The following KLB variants were observed in gnomAD, a reference collection of about 807,000 sequenced individuals.
KLB encodes the protein klotho beta.
A neutral mutation model predicts 88.4 loss-of-function variants in KLB; 44 were observed. The ratio of observed to expected loss-of-function variants is 0.50; its 90% confidence interval spans 0.39 to 0.64. The LOEUF (loss-of-function observed/expected upper bound fraction) is 0.64, where lower values mean the gene tolerates loss of function less well. KLB is among the 30% of genes least tolerant of loss of function. The pLI, the probability that KLB is intolerant of heterozygous loss-of-function variation, is 0.00. For missense variants in KLB, 1,137 were observed against 1,304.8 expected, an observed-to-expected ratio of 0.87 and a Z score of 1.98; for synonymous variants, 548 against 513.4, an observed-to-expected ratio of 1.07 and a Z score of -0.91.
At chr4:39,414,836 T>C (rs1287947350) in intron 1 of KLB, among the ~76,000 whole-genome samples, 1 of 140,114 alleles carries the variant, frequency 7.1e-6, no homozygotes, top group Admixed American at 7.5e-5. Flanking sequence ...GCCACTGCAC[T>C]CTAGCCTGGG....
At position 39,437,671 on chromosome 4, in the gene KLB, A is replaced by G. The variant is rs1257831225; in HGVS notation, c.1337-56A>G. Reference sequence around the variant, plus strand: ...CTCTGGCATGTTAGTGAAATTGTAAACATGAACTAGAATGTTTAGGCCTCT... The same window carrying G: ...CTCTGGCATGTTAGTGAAATTGTAAGCATGAACTAGAATGTTTAGGCCTCT... On this transcript the variant is annotated intron_variant, in intron 2 of 4. Transcript: ENST00000257408. The G allele has an allele frequency of 8.5e-6, 13 of 1,527,500 alleles. No homozygotes were observed. The East Asian group carries it at 2.5e-4, about 29-fold the overall frequency. 94.6% of individuals were successfully genotyped at this position (1,527,500 alleles called of 1,614,324 possible).
Position 39,451,456 on chromosome 4 carries a change from AGT to A in KLB, c.*2774_*2775del, listed in dbSNP as rs1743898200. On this transcript the variant is annotated 3_prime_UTR_variant, in exon 5 of 5. Transcript: ENST00000257408. The stretch of plus-strand genomic sequence containing the variant: ...AGCCTCTGGAAAATGAGGCCAGTAC[AGT>A]GTGACTACATGTTTAATTTTCAATG... 1 of 152,260 alleles carries A rather than the reference AGT, an allele frequency of 6.6e-6. No individual in the cohort carries two copies. Among genetic ancestry groups the A allele is most frequent in the Non-Finnish European group, 1.5e-5 (1 of 68,042 alleles). 9.4% of individuals were successfully genotyped at this position (152,260 alleles called of 1,614,324 possible). A position where few individuals can be genotyped will look rare whatever the true frequency, so the allele number is the denominator to read the frequency against.
intron 1 of KLB, among the ~76,000 whole-genome samples, chr4:39,429,071 C>T (rs145445449): frequency 2.2e-4 from 33 of 152,282 alleles, no homozygotes; most frequent in African/African-American, 7.5e-4. Context: ...GAAATATAAA[C>T]CTATTTTGTT....
intron 3 of KLB, among the ~76,000 whole-genome samples, chr4:39,438,508 T>C (rs1158374242): frequency 6.6e-6 from 1 of 152,172 alleles, no homozygotes; most frequent in Non-Finnish European, 1.5e-5. Flanking sequence ...AAGGCTTCCC[T>C]CCACTCCAGA....
At chr4:39,441,873 A>G (rs1387840732) in intron 3 of KLB, 2 of 152,214 alleles carry the variant, frequency 1.3e-5, no homozygotes, top group Non-Finnish European at 2.9e-5. Context: ...AAATATATGT[A>G]TAGACACTGT....
intron 1 of KLB, among the ~76,000 whole-genome samples, chr4:39,433,305 G>T (rs1460220557): frequency 6.6e-6 from 1 of 151,936 alleles, no homozygotes. Flanking sequence ...TGACCCCAAA[G>T]CTTACACTCT....
intron 3 of KLB, among the ~76,000 whole-genome samples, chr4:39,441,254 T>A (rs1743590884): frequency 6.6e-6 from 1 of 152,206 alleles, no homozygotes; most frequent in South Asian, 2.1e-4. Flanking sequence ...CTTCAGCTTG[T>A]GTCCCCTCCA....
intron 1 of KLB, among the ~76,000 whole-genome samples, chr4:39,420,481 T>C (rs988087362): frequency 2.0e-5 from 3 of 152,124 alleles, no homozygotes; most frequent in Non-Finnish European, 4.4e-5. Context: ...AGTGATAGCA[T>C]AGAACAATCA....
chr4:39,431,782 G>T (rs956339592), intron 1 of KLB, among the ~76,000 whole-genome samples: 1 of 152,286 alleles, frequency 6.6e-6, no homozygotes, highest in East Asian at 1.9e-4. Flanking sequence ...ATCTAACAGG[G>T]TTTATGGAAT....
At chr4:39,431,803 T>C (rs1366289714) in intron 1 of KLB, among the ~76,000 whole-genome samples, 2 of 152,202 alleles carry the variant, frequency 1.3e-5, no homozygotes, top group East Asian at 1.9e-4. Flanking sequence ...ATTTTCAGGG[T>C]CCACAGGATC....
At position 39,446,700 on chromosome 4, in the gene KLB, C is replaced by G. The variant is rs556104953; in HGVS notation, c.1974C>G (p.Ala658=). The part of the protein sequence containing the change: ...HLGLPEPLLH[A]DGWLNPSTAE... ...GCCTCCCCGAGCCTCTGTTGCATGC[C>G]GACGGGTGGCTGAACCCATCGACGG... Residue 658 remains alanine (A), a synonymous_variant, in exon 4 of 5, where the codon GCC becomes GCG. Transcript: ENST00000257408. The surrounding 1 kb of genome is among the most constrained non-coding windows in gnomAD (Gnocchi z 6.4). 3 of 1,610,260 alleles carry G rather than the reference C, an allele frequency of 1.9e-6. No individual in the cohort carries two copies. The highest frequency in any genetic ancestry group is 1.7e-5 in the Admixed American group (1 of 59,920).
At chr4:39,441,425 A>G (rs1159110058) in intron 3 of KLB, among the ~76,000 whole-genome samples, 1 of 152,196 alleles carries the variant, frequency 6.6e-6, no homozygotes, top group South Asian at 2.1e-4. Context: ...CCCAGGAGAT[A>G]TAAGAGTTTC....
In KLB at chr4:39,450,107, G is replaced by A. The variant is rs996721777; in HGVS notation, c.*1421G>A. 6.6e-6 allele frequency: 1 copy of A among 152,068 alleles called. No individual in the cohort carries two copies. The highest frequency in any genetic ancestry group is 2.4e-5 in the African/African-American group (1 of 41,394). 9.4% of individuals were successfully genotyped at this position (152,068 alleles called of 1,614,324 possible). A position where few individuals can be genotyped will look rare whatever the true frequency, so the allele number is the denominator to read the frequency against. On this transcript the variant is annotated 3_prime_UTR_variant, in exon 5 of 5. Coordinates refer to ENST00000257408, the MANE Select transcript of KLB (RefSeq NM_175737.4). Reference sequence around the variant, plus strand: ...ATTGTTTTATATAGCACCCTTTTGGGCTAGGGTTAATTACTAGATCTGACT... The same window carrying A: ...ATTGTTTTATATAGCACCCTTTTGGACTAGGGTTAATTACTAGATCTGACT...
At position 39,447,013 on chromosome 4, in the gene KLB, C is replaced by G. The variant is rs1388081481; in HGVS notation, c.2287C>G (p.Arg763Gly). Residue 763 changes from arginine (R) to glycine (G), a missense_variant, in exon 4 of 5, where the codon CGC becomes GGC. Coordinates refer to ENST00000257408, the MANE Select transcript of KLB (RefSeq NM_175737.4). ...YADSHWRAAE[R>G]FLQFEIAWFA... Reference sequence around the variant, plus strand: ...TGACTCGCACTGGAGGGCGGCCGAGCGCTTCCTGCAGTTCGAGATCGCCTG... The same window carrying G: ...TGACTCGCACTGGAGGGCGGCCGAGGGCTTCCTGCAGTTCGAGATCGCCTG... 3.7e-6 allele frequency: 6 copies of G among 1,610,606 alleles called. No homozygotes were observed. Among genetic ancestry groups the G allele is most frequent in the Non-Finnish European group, 5.1e-6 (6 of 1,179,956 alleles).
intron 3 of KLB, among the ~76,000 whole-genome samples, chr4:39,445,555 A>C (rs989045510): frequency 7.3e-6 from 1 of 136,212 alleles, no homozygotes. Flanking sequence ...CCGAGGCTGG[A>C]GTGCAATGGC....
intron 1 of KLB, among the ~76,000 whole-genome samples, chr4:39,419,764 A>G (rs940796571): frequency 1.1e-4 from 15 of 135,020 alleles, no homozygotes; most frequent in Non-Finnish European, 2.0e-4. Context: ...CGACAGAGCA[A>G]TTCCATCTCA....
intron 1 of KLB, among the ~76,000 whole-genome samples, chr4:39,411,173 C>G (rs1362523084): frequency 6.7e-6 from 1 of 149,914 alleles, no homozygotes; most frequent in African/African-American, 2.5e-5. Context: ...CTCAGCCTCC[C>G]GAGTCGCTGG....
intron 1 of KLB, among the ~76,000 whole-genome samples, chr4:39,414,104 C>T (rs1166676669): frequency 6.6e-6 from 1 of 152,116 alleles, no homozygotes; most frequent in Admixed American, 6.5e-5. Context: ...CCCCTCACTC[C>T]ACCTTTGAAA....
rs987409986 is a variant in KLB at position 39,449,929 on chromosome 4, TAAAA to T, written c.*1249_*1252del. 2 of 143,482 alleles carry T rather than the reference TAAAA, an allele frequency of 1.4e-5. No homozygotes were observed. Among genetic ancestry groups the T allele is most frequent in the Non-Finnish European group, 3.0e-5 (2 of 66,022 alleles). The allele number at this position is 143,482 out of a possible 1,614,324, so 8.9% of individuals were successfully genotyped here. On this transcript the variant is annotated 3_prime_UTR_variant, in exon 5 of 5. Transcript: ENST00000257408. ...GACAGGGCAAGACTGTCTCTCAAAA[TAAAA>T]AAAAATAATAAAAATAAAAATAAAA...
Sources: gnomAD v4.1 joint callset for allele counts (sites outside exome capture counted in the v4.1 genomes callset) on GRCh38, gnomAD v4.1.1 for gene constraint, Gnocchi (gnomAD v3.1) non-coding constraint, MANE v1.5 for transcripts, NCBI Gene and HGNC (gene_info 2026-07-23, HGNC 2026-07-21) for gene names.